DYNC1LI2: variants seen among roughly 807,000 people sequenced by gnomAD.
DYNC1LI2 encodes the protein cytoplasmic dynein 1 light intermediate chain 2.
Under a neutral mutation model 57.8 loss-of-function variants are expected in DYNC1LI2, and 19 were observed. The ratio of observed to expected loss-of-function variants is 0.33; its 90% CI spans 0.23 to 0.48. The LOEUF (loss-of-function observed/expected upper bound fraction) is 0.48. Ranked by LOEUF, DYNC1LI2 falls within the 20% of genes least tolerant of loss-of-function variation. The probability of loss-of-function intolerance (pLI) is 0.99; values close to 1 mark genes in which losing one functional copy is unlikely to be tolerated. For missense variants in DYNC1LI2, 470 were observed against 604.2 expected (o/e 0.78, Z 2.33); for synonymous variants, 256 against 233.4 (o/e 1.10, Z -0.88).
intron 11 of DYNC1LI2, among the ~76,000 whole-genome samples, chr16:66,726,425 TC>T (rs2017536999): frequency 6.6e-6 from 1 of 152,024 alleles, no homozygotes; most frequent in Non-Finnish European, 1.5e-5. Flanking sequence ...GGGGGAAAAA[TC>T]CCCACAATTC....
chr16:66,745,568 G>A (rs994046303), intron 3 of DYNC1LI2, among the ~76,000 whole-genome samples: 3 of 149,688 alleles, frequency 2.0e-5, no homozygotes, highest in Non-Finnish European at 3.0e-5. Flanking sequence ...GTGAGCCACC[G>A]CGCCCGGCCT....
rs1342512011 is a variant in DYNC1LI2, at chr16:66,751,103, T to C, written c.181+170A>G. The stretch of plus-strand genomic sequence containing the variant: ...CTCCAAAGAGGGCAGCATCCCACCC[T>C]CAGGCGCTGGAGGCTTGACCACTCT... On this transcript the variant is annotated intron_variant, in intron 2 of 12. Coordinates refer to ENST00000258198, the MANE Select transcript of DYNC1LI2 (RefSeq NM_006141.3). The surrounding 1 kb of genome is among the most constrained non-coding windows in gnomAD (Gnocchi z 5.2). Among the ~76,000 whole-genome samples, 1 of 152,072 alleles carries C rather than the reference T, an allele frequency of 6.6e-6. No homozygotes were observed. Among genetic ancestry groups the C allele is most frequent in the Non-Finnish European group, 1.5e-5 (1 of 68,014 alleles).
At chr16:66,746,656 G>T (rs1219031582) in intron 3 of DYNC1LI2, among the ~76,000 whole-genome samples, 2 of 152,178 alleles carry the variant, frequency 1.3e-5, no homozygotes, top group Non-Finnish European at 2.9e-5. Context: ...AAACAGAAGA[G>T]GCTATAGAGA....
At chr16:66,736,718 A>T (rs1306219296) in intron 4 of DYNC1LI2, among the ~76,000 whole-genome samples, 1 of 151,698 alleles carries the variant, frequency 6.6e-6, no homozygotes, top group Non-Finnish European at 1.5e-5. Context: ...CTGGTCTCAA[A>T]CTCTTGGGCT....
At chr16:66,724,784 G>A (rs1292412079) in intron 12 of DYNC1LI2, 1 of 152,006 alleles carries the variant, frequency 6.6e-6, no homozygotes, top group Non-Finnish European at 1.5e-5. Context: ...AGCCAAACTG[G>A]GGGCAGTGGA....
chr16:66,736,819 A>T (rs1466566781), intron 4 of DYNC1LI2, among the ~76,000 whole-genome samples: 1 of 152,200 alleles, frequency 6.6e-6, no homozygotes, highest in East Asian at 1.9e-4. Flanking sequence ...ACAGGTTTTT[A>T]AAAAATACTA....
rs749334921 is a variant in DYNC1LI2 at position 66,729,090 on chromosome 16, C to T, written c.1051G>A (p.Asp351Asn). ...TCATCTTCTGCTGCCAACTCTTTGT[C>T]GTGGACCAGCTGTGAAACAACATAC... ...VKPPVRKLVH[D>N]KELAAEDEQV... The change falls in exon 9 of 13, where the codon GAC becomes AAC. Residue 351 changes from aspartate (D) to asparagine (N), a missense_variant. Asp to Asn is a conservative substitution (Grantham distance 23). Transcript: ENST00000258198. The T allele has an allele frequency of 2.2e-5, 36 of 1,614,016 alleles. No homozygotes were observed. Among genetic ancestry groups the T allele is most frequent in the Non-Finnish European group, 2.7e-5 (32 of 1,180,054 alleles).
At chr16:66,733,892 T>C in intron 6 of DYNC1LI2, 1 of 247,480 alleles carries the variant, frequency 4.0e-6, no homozygotes, top group Non-Finnish European at 7.8e-6. Flanking sequence ...CCGAGCGCAG[T>C]AGCTAACAGC....
intron 3 of DYNC1LI2, among the ~76,000 whole-genome samples, chr16:66,743,124 T>C (rs2017870091): frequency 6.6e-6 from 1 of 151,842 alleles, no homozygotes; most frequent in African/African-American, 2.4e-5. Context: ...ATTGTGCCAA[T>C]GCACTCCAGC....
intron 8 of DYNC1LI2, among the ~76,000 whole-genome samples, chr16:66,729,699 C>T (rs1299700843): frequency 2.0e-5 from 3 of 151,810 alleles, no homozygotes; most frequent in South Asian, 2.1e-4. Context: ...GCCTCAGCCT[C>T]CCAACTGCTG....
At chr16:66,730,274 A>C (rs761192190) in intron 7 of DYNC1LI2, 51 bp from the exon 8 acceptor site, 3 of 1,504,264 alleles carry the variant, frequency 2.0e-6, no homozygotes, top group Non-Finnish European at 2.7e-6. Context: ...GCTGCCTTAG[A>C]GCATACTCAG....
At chr16:66,734,895 G>A (rs1410870903) in intron 5 of DYNC1LI2, among the ~76,000 whole-genome samples, 2 of 146,724 alleles carry the variant, frequency 1.4e-5, no homozygotes, top group Non-Finnish European at 1.5e-5. Flanking sequence ...TACTCAGGAG[G>A]CTGAGGTAGG....
chr16:66,725,974 T>A, intron 11 of DYNC1LI2, 30 bp from the exon 12 acceptor site: 7 of 1,600,498 alleles, frequency 4.4e-6, no homozygotes, highest in Non-Finnish European at 5.1e-6. Context: ...AAAAAAAGCA[T>A]CATATAAACT....
chr16:66,737,485 C>A (rs1457887452), intron 4 of DYNC1LI2, among the ~76,000 whole-genome samples: 2 of 121,214 alleles, frequency 1.6e-5, no homozygotes, highest in African/African-American at 7.5e-5. Context: ...AGCGAGACTC[C>A]GTCTCAAAAA....
chr16:66,726,840 C>A (rs1174259951), intron 11 of DYNC1LI2, among the ~76,000 whole-genome samples: 1 of 152,072 alleles, frequency 6.6e-6, no homozygotes, highest in African/African-American at 2.4e-5. Flanking sequence ...ACCATGTTGG[C>A]CAGGCTGGTC....
chr16:66,722,316 A>G lies in DYNC1LI2; in HGVS notation c.*1406T>C, dbSNP rs2144960130. On this transcript the variant is annotated 3_prime_UTR_variant, in exon 13 of 13. Coordinates refer to ENST00000258198, the MANE Select transcript of DYNC1LI2 (RefSeq NM_006141.3). ...CATTCATATAAAAAAAGTAAACTCC[A>G]CATGGTGAACTGTGGTTTTTTCCCT... 6.5e-6 allele frequency: 1 copy of G among 152,780 alleles called. No homozygotes were observed. The highest frequency in any genetic ancestry group is 2.1e-4 in the South Asian group (1 of 4,830). 9.5% of individuals were successfully genotyped at this position (152,780 alleles called of 1,614,324 possible).
intron 2 of DYNC1LI2, 58 bp from the exon 3 acceptor site, chr16:66,749,371 G>A (rs1009258920): frequency 3.3e-6 from 5 of 1,494,284 alleles, no homozygotes; most frequent in Admixed American, 1.7e-5. Flanking sequence ...AGGATGGGGA[G>A]GCATGACACT....
chr16:66,744,514 A>C (rs1183381474), intron 3 of DYNC1LI2, among the ~76,000 whole-genome samples: 2 of 152,158 alleles, frequency 1.3e-5, no homozygotes, highest in Non-Finnish European at 2.9e-5. Flanking sequence ...AGGATGATCT[A>C]ACTGCCGAAG....
At chr16:66,736,336 A>G (rs2017734977) in intron 4 of DYNC1LI2, 92 bp from the exon 5 acceptor site, 1 of 1,428,088 alleles carries the variant, frequency 7.0e-7, no homozygotes, top group Non-Finnish European at 9.5e-7. Flanking sequence ...AATAAGCACA[A>G]AACACAGGCA....
Sources: allele counts gnomAD v4.1 joint callset (sites outside exome capture counted in the v4.1 genomes callset), GRCh38; gene constraint gnomAD v4.1.1; non-coding constraint Gnocchi (gnomAD v3.1); transcripts MANE v1.5; gene names NCBI Gene and HGNC (gene_info 2026-07-23, HGNC 2026-07-21).